The following LAMA2 variants were observed in gnomAD, a reference collection of about 807,000 sequenced individuals.
LAMA2 encodes laminin subunit alpha-2.
LAMA2 carries 269 observed loss-of-function variants against 364.8 expected under a neutral mutation model. The observed-to-expected ratio is 0.74, with a 90% CI of 0.67 to 0.82. The LOEUF is 0.82. Among genes scored for constraint, LAMA2 ranks in the 40% least tolerant of loss-of-function variants. The probability of loss-of-function intolerance (pLI) is 0.00; values close to 1 mark genes in which losing one functional copy is unlikely to be tolerated. For missense variants in LAMA2, 3,807 were observed against 3,873.2 expected (o/e 0.98, Z 0.45); for synonymous variants, 1,379 against 1,370.6 (o/e 1.01, Z -0.14).
intron 4 of LAMA2, among the ~76,000 whole-genome samples, chr6:129,112,918 C>T (rs568753379): frequency 6.6e-6 from 1 of 152,058 alleles, no homozygotes; most frequent in South Asian, 2.1e-4. Flanking sequence ...AAAACAGTTT[C>T]AGGATGAGAA....
chr6:129,444,613 A>G (rs1169682269), intron 44 of LAMA2, among the ~76,000 whole-genome samples: 3 of 152,310 alleles, frequency 2.0e-5, no homozygotes, highest in East Asian at 1.9e-4. Flanking sequence ...AGTCATACTT[A>G]TGAGTTCAAA....
intron 1 of LAMA2, among the ~76,000 whole-genome samples, chr6:128,952,239 T>C (rs1454502798): frequency 6.6e-6 from 1 of 152,176 alleles, no homozygotes; most frequent in Non-Finnish European, 1.5e-5. Context: ...AAAAATACTC[T>C]CTTTAAGTAT....
chr6:129,475,248 T>G (rs1784010196), intron 52 of LAMA2, 142 bp from the exon 53 acceptor site: 4 of 573,698 alleles, frequency 7.0e-6, no homozygotes, highest in Non-Finnish European at 1.2e-5. Flanking sequence ...TTGGGGCTTT[T>G]GCATTTCTTT....
intron 1 of LAMA2, among the ~76,000 whole-genome samples, chr6:128,949,106 AC>A (rs1780655385): frequency 1.3e-5 from 2 of 152,144 alleles, no homozygotes; most frequent in African/African-American, 4.8e-5. Flanking sequence ...AATTATCACA[AC>A]TCCAGTGAGA....
chr6:128,994,386 C>A (rs1783797552), intron 1 of LAMA2, among the ~76,000 whole-genome samples: 1 of 152,164 alleles, frequency 6.6e-6, no homozygotes, highest in Non-Finnish European at 1.5e-5. Flanking sequence ...ATATACACAC[C>A]TATGTGTGGG....
intron 1 of LAMA2, among the ~76,000 whole-genome samples, chr6:128,995,708 T>A (rs9492182): frequency 0.34 from 52,184 of 152,020 alleles, 10,802 homozygotes; most frequent in African/African-American, 0.58. Flanking sequence ...TTTTATGACC[T>A]TATATTTTTC....
chr6:129,271,464 CTTTTTTTTT>C (rs11287525), intron 17 of LAMA2, among the ~76,000 whole-genome samples: 1 of 80,244 alleles, frequency 1.2e-5, no homozygotes, highest in Non-Finnish European at 2.7e-5. Context: ...AATTGGGATA[CTTTTTTTTT>C]TTTTTTTTTT....
intron 22 of LAMA2, among the ~76,000 whole-genome samples, chr6:129,309,678 A>G (rs1049022661): frequency 1.3e-5 from 2 of 152,212 alleles, no homozygotes; most frequent in East Asian, 3.8e-4. Flanking sequence ...ATTTGATTCT[A>G]CATCTGATGT....
intron 4 of LAMA2, among the ~76,000 whole-genome samples, chr6:129,119,061 T>C (rs1325499574): frequency 6.6e-6 from 1 of 152,234 alleles, no homozygotes; most frequent in African/African-American, 2.4e-5. Context: ...TCCCCTCTTC[T>C]CTCCATGTTC....
intron 30 of LAMA2, among the ~76,000 whole-genome samples, chr6:129,343,523 C>G (rs1776382053): frequency 6.6e-6 from 1 of 152,034 alleles, no homozygotes. Context: ...CATCCAGGGA[C>G]CAAGTAGTAT....
intron 40 of LAMA2, among the ~76,000 whole-genome samples, chr6:129,423,561 T>C (rs535125467): frequency 1.1e-4 from 17 of 151,916 alleles, no homozygotes; most frequent in African/African-American, 3.9e-4. Flanking sequence ...TAAAATAAAA[T>C]GCTATCTATT....
intron 3 of LAMA2, among the ~76,000 whole-genome samples, chr6:129,081,106 A>T (rs980253765): frequency 2.0e-5 from 3 of 152,210 alleles, no homozygotes; most frequent in Admixed American, 2.0e-4. Context: ...ATATGGATGA[A>T]GCTGGAAACC....
intron 15 of LAMA2, among the ~76,000 whole-genome samples, chr6:129,263,396 G>C (rs73585533): frequency 0.086 from 13,063 of 152,176 alleles, 1,833 homozygotes; most frequent in African/African-American, 0.3. Context: ...GTGGTTGTAT[G>C]AAGGTTAGAA....
intron 32 of LAMA2, among the ~76,000 whole-genome samples, chr6:129,363,631 A>G (rs1443421239): frequency 1.3e-5 from 2 of 152,222 alleles, no homozygotes. Context: ...AACAGTAGCA[A>G]TATCACCTGG....
In LAMA2 at chr6:129,353,262, C is replaced by G; in HGVS notation, c.4622C>G (p.Pro1541Arg). 6.2e-7 allele frequency: 1 copy of G among 1,613,554 alleles called. No homozygotes were observed. Among genetic ancestry groups the G allele is most frequent in the East Asian group, 2.2e-5 (1 of 44,872 alleles). The change falls in exon 32 of 65, where the codon CCT becomes CGT. Residue 1541 changes from proline (P) to arginine (R), a missense_variant. Pro to Arg is a moderately radical substitution (Grantham distance 103). Around this residue, in one of 3 missense-constraint regions of LAMA2, gnomAD observed 3,333 missense variants for 3,345.7 expected, o/e 1.00. Transcript: ENST00000421865. ...GGCTCACTGCCTGTGCCCTGTGACC[C>G]TGTCACAGGATTCTGCACGTGCCGA... ...PYGSLPVPCD[P>R]VTGFCTCRPG...
intron 12 of LAMA2, among the ~76,000 whole-genome samples, chr6:129,195,672 C>G (rs1276504357): frequency 6.6e-6 from 1 of 152,128 alleles, no homozygotes; most frequent in African/African-American, 2.4e-5. Flanking sequence ...ATCAGGCACC[C>G]ACAGGGCTAT....
chr6:129,313,088 CA>C lies in LAMA2; in HGVS notation c.3403del (p.Thr1135LeufsTer4). 1.3e-6 allele frequency: 2 copies of C among 1,599,604 alleles called. No individual in the cohort carries two copies. Among genetic ancestry groups the C allele is most frequent in the Non-Finnish European group, 1.7e-6 (2 of 1,168,080 alleles). ...CSCSDQTGQC[T>X]CKVNVEGIHC... is the part of the protein sequence containing the mutation. ...CCTGTAGTGATCAAACTGGGCAGTGCACTTGTAAGGTATGTGCTGCTGACAT... is the reference window on the plus strand; with the variant it reads ...CCTGTAGTGATCAAACTGGGCAGTGCCTTGTAAGGTATGTGCTGCTGACAT... On this transcript the variant is annotated frameshift_variant, in exon 23 of 65. Transcript: ENST00000421865. LOFTEE classifies it high-confidence loss of function.
chr6:129,353,412 C>A, intron 32 of LAMA2, 55 bp downstream of exon 32: 8 of 1,352,034 alleles, frequency 5.9e-6, no homozygotes, highest in South Asian at 1.2e-5. Flanking sequence ...AGTTCTGTCT[C>A]ATTTCCAATG....
chr6:129,125,740 A>C (rs1244656376), intron 4 of LAMA2, among the ~76,000 whole-genome samples: 1 of 152,208 alleles, frequency 6.6e-6, no homozygotes, highest in Non-Finnish European at 1.5e-5. Context: ...ATGGTGAATA[A>C]AATTAATAAT....
Sources: gnomAD v4.1 joint callset for allele counts (sites outside exome capture counted in the v4.1 genomes callset) on GRCh38, gnomAD v4.1.1 for gene constraint, gnomAD v4.1.1 regional missense constraint, MANE v1.5 for transcripts, NCBI Gene and HGNC (gene_info 2026-07-23, HGNC 2026-07-21) for gene names.